BANF2: variants seen among roughly 807,000 people sequenced by gnomAD.
The protein encoded by BANF2 is barrier-to-autointegration factor-like protein.
Under a neutral mutation model 8.0 loss-of-function variants are expected in BANF2, and 4 were observed. The observed-to-expected ratio is 0.50, with a 90% CI of 0.25 to 1.14. BANF2 has a LOEUF of 1.14. Ranked by LOEUF, BANF2 falls within the 50% of genes most tolerant of loss-of-function variation. The probability of loss-of-function intolerance (pLI) is 0.16; values close to 1 mark genes in which losing one functional copy is unlikely to be tolerated. For missense variants in BANF2, 96 were observed against 107.5 expected (o/e 0.89, Z 0.47); for synonymous variants, 50 against 40.6 (o/e 1.23, Z -0.88).
chr20:17,693,740 G>C, intron 1 of BANF2: 1 of 1,550,860 alleles, frequency 6.4e-7, no homozygotes, highest in East Asian at 2.4e-5. Flanking sequence ...CTTGCTCACG[G>C]TGGGGAAGAG....
intron 2 of BANF2, among the ~76,000 whole-genome samples, chr20:17,723,398 A>C (rs1470024805): frequency 6.6e-6 from 1 of 152,244 alleles, no homozygotes; most frequent in Non-Finnish European, 1.5e-5. Flanking sequence ...GAAGGAGTTA[A>C]GCTGAAGATT....
intron 3 of BANF2, 40 bp downstream of exon 3, chr20:17,725,191 A>C (rs1600226189): frequency 6.3e-7 from 1 of 1,583,702 alleles, no homozygotes; most frequent in Non-Finnish European, 8.7e-7. Context: ...TCTCTTCCCT[A>C]CCTTTCTTCC....
In BANF2 at chr20:17,735,809, T is replaced by C; in HGVS notation, c.271T>C (p.Ter91GlnextTer15). The C allele has an allele frequency of 1.2e-6, 2 of 1,613,000 alleles. No homozygotes were observed. Among genetic ancestry groups the C allele is most frequent in the Non-Finnish European group, 1.7e-6 (2 of 1,179,552 alleles). Residue 91 changes from the stop codon to glutamine, a stop_lost, in exon 4 of 4, where the codon TAG (stop) becomes CAG (glutamine). Transcript: ENST00000246090. ...CLKEWCACFL[*>Q] The stretch of plus-strand genomic sequence containing the variant: ...CAAGGAGTGGTGTGCCTGCTTCCTG[T>C]AGACACAAACCTCATTGCTGCCCCC...
chr20:17,733,351 G>T (rs1358656988), intron 3 of BANF2, among the ~76,000 whole-genome samples: 1 of 152,220 alleles, frequency 6.6e-6, no homozygotes, highest in Non-Finnish European at 1.5e-5. Context: ...GGATTAAAAC[G>T]TGTCAGGTGT....
Position 17,722,823 on chromosome 20 carries a change from AC to A in BANF2, c.-58del, listed in dbSNP as rs893820823. ...AGAGTTCAGTGTCTTCTGAAATGTT[AC>A]AAAACGTCCTTCAGAGCAAGAAGGC... On this transcript the variant is annotated 5_prime_UTR_variant, in exon 2 of 4. An upstream open reading frame in the 5' UTR loses its in-frame stop. Coordinates refer to ENST00000246090, the MANE Select transcript of BANF2 (RefSeq NM_178477.5). 7 of 985,194 alleles carry A rather than the reference AC, an allele frequency of 7.1e-6. No homozygotes were observed. In the African/African-American group the frequency reaches 1.2e-4, roughly 17 times the overall value. 61.0% of individuals were successfully genotyped at this position (985,194 alleles called of 1,614,324 possible).
chr20:17,711,865 ACT>A (rs1344222769), intron 1 of BANF2, among the ~76,000 whole-genome samples: 3 of 151,788 alleles, frequency 2.0e-5, no homozygotes, highest in Non-Finnish European at 2.9e-5. Context: ...GGCACCTACT[ACT>A]CTCTGTCTCC....
upstream of BANF2, among the ~76,000 whole-genome samples, chr20:17,699,096 G>A (rs1029332710): frequency 1.3e-5 from 2 of 152,126 alleles, no homozygotes; most frequent in Non-Finnish European, 2.9e-5. Flanking sequence ...GTATTTTAAC[G>A]AGTCTTCCAG....
intron 1 of BANF2, among the ~76,000 whole-genome samples, chr20:17,720,208 T>C (rs2037709124): frequency 6.6e-6 from 1 of 152,200 alleles, no homozygotes; most frequent in Admixed American, 6.5e-5. Flanking sequence ...AGAATTACCA[T>C]ATGATGCAGC....
intron 1 of BANF2, among the ~76,000 whole-genome samples, chr20:17,701,291 G>A (rs921875167): frequency 3.3e-5 from 5 of 152,172 alleles, no homozygotes; most frequent in Admixed American, 6.5e-5. Context: ...GGGAGCAAAC[G>A]CTGAACCTCC....
chr20:17,725,657 A>G (rs1311559870), intron 3 of BANF2, among the ~76,000 whole-genome samples: 1 of 152,240 alleles, frequency 6.6e-6, no homozygotes, highest in Non-Finnish European at 1.5e-5. Context: ...TGGAATTGGA[A>G]TATTCTTTTC....
intron 1 of BANF2, among the ~76,000 whole-genome samples, chr20:17,722,039 T>C (rs1015552855): frequency 2.0e-5 from 3 of 152,230 alleles, no homozygotes; most frequent in African/African-American, 7.2e-5. Context: ...CTCTGGACAT[T>C]ACCAGTGTTC....
rs2037466256 is a variant in BANF2 at position 17,705,256 on chromosome 20, A to G, written c.-167+5201A>G. ...GAGGTGATTCTCCATGTAAAATTGG[A>G]GAGAAGGGAGAGCAGTTAGAAAGCT... On this transcript the variant is annotated intron_variant, in intron 1 of 3. Coordinates refer to ENST00000246090, the MANE Select transcript of BANF2 (RefSeq NM_178477.5). Among the ~76,000 whole-genome samples, 3 of 152,324 alleles carry G rather than the reference A, an allele frequency of 2.0e-5. No homozygotes were observed. In the South Asian group the frequency reaches 6.2e-4, roughly 32 times the overall value.
chr20:17,730,399 C>T (rs554926839), intron 3 of BANF2, among the ~76,000 whole-genome samples: 20 of 152,290 alleles, frequency 1.3e-4, no homozygotes, highest in South Asian at 1.0e-3. Context: ...GTGCTTCTCG[C>T]GCGGCTTCTC....
chr20:17,709,753 T>C (rs2037542342), intron 1 of BANF2, among the ~76,000 whole-genome samples: 1 of 152,222 alleles, frequency 6.6e-6, no homozygotes, highest in Non-Finnish European at 1.5e-5. Context: ...AGTTAATTTA[T>C]CTTATCTGTG....
intron 1 of BANF2, among the ~76,000 whole-genome samples, chr20:17,719,576 A>G (rs1444315351): frequency 6.6e-6 from 1 of 151,978 alleles, no homozygotes; most frequent in Admixed American, 6.6e-5. Flanking sequence ...GGGGGGCTCT[A>G]GTGTCCTCTT....
intron 1 of BANF2, among the ~76,000 whole-genome samples, chr20:17,700,630 G>A (rs576956380): frequency 1.4e-3 from 209 of 152,280 alleles, no homozygotes; most frequent in African/African-American, 4.6e-3. Flanking sequence ...CTTTAGGATC[G>A]TGACGGGAAA....
At chr20:17,702,323 C>A (rs370133701) in intron 1 of BANF2, among the ~76,000 whole-genome samples, 1 of 152,142 alleles carries the variant, frequency 6.6e-6, no homozygotes, top group African/African-American at 2.4e-5. Context: ...TTCACTGGCC[C>A]GGCCCCTCAC....
chr20:17,719,437 G>T (rs1394483496), intron 1 of BANF2, among the ~76,000 whole-genome samples: 3 of 152,034 alleles, frequency 2.0e-5, no homozygotes, highest in African/African-American at 7.2e-5. Context: ...TGGGCCAGGT[G>T]CATCGTCTTG....
At chr20:17,698,291 C>T (rs1350163116), upstream of BANF2, among the ~76,000 whole-genome samples, 1 of 152,194 alleles carries the variant, frequency 6.6e-6, no homozygotes, top group Non-Finnish European at 1.5e-5. Context: ...GATACACTGG[C>T]TCCCTGTTTA....
Sources: allele counts gnomAD v4.1 joint callset (sites outside exome capture counted in the v4.1 genomes callset), GRCh38; gene constraint gnomAD v4.1.1; transcripts MANE v1.5; gene names NCBI Gene and HGNC (gene_info 2026-07-23, HGNC 2026-07-21).